Variants in ULK4 observed in about 807,000 individuals in gnomAD.
ULK4 encodes the protein inactive serine/threonine-protein kinase ULK4.
In ULK4, 133 loss-of-function variants were observed where a neutral mutation model predicts 160.6. That is an observed-to-expected ratio of 0.83 (90% CI 0.72 to 0.96). The LOEUF is 0.96. ULK4 is among the 40% of genes least tolerant of loss of function. ULK4 has a pLI of 0.00. For missense variants in ULK4, 1,580 were observed against 1,499.5 expected, an observed-to-expected ratio of 1.05 and a Z score of -0.89; for synonymous variants, 534 against 539.8, an observed-to-expected ratio of 0.99 and a Z score of 0.15.
chr3:41,765,291 G>A (rs969611600), intron 21 of ULK4, among the ~76,000 whole-genome samples: 4 of 151,966 alleles, frequency 2.6e-5, no homozygotes, highest in Non-Finnish European at 4.4e-5. Context: ...CATCATTCTG[G>A]GCAAACTATC....
intron 32 of ULK4, among the ~76,000 whole-genome samples, chr3:41,464,462 C>T (rs2083776364): frequency 6.6e-6 from 1 of 152,074 alleles, no homozygotes; most frequent in Admixed American, 6.5e-5. Context: ...GAATGAATTA[C>T]CGTCAAAATT....
intron 35 of ULK4, among the ~76,000 whole-genome samples, chr3:41,285,192 G>T (rs1046832810): frequency 1.3e-5 from 2 of 152,120 alleles, no homozygotes; most frequent in African/African-American, 4.8e-5. Flanking sequence ...ATTCCTTAAA[G>T]AACTAAAAGT....
At chr3:41,918,210 C>G (rs1436382794) in intron 7 of ULK4, among the ~76,000 whole-genome samples, 1 of 152,044 alleles carries the variant, frequency 6.6e-6, no homozygotes, top group Non-Finnish European at 1.5e-5. Context: ...TTAAGCCATA[C>G]TTTTTATGAT....
At chr3:41,783,535 CA>C (rs36018598) in intron 21 of ULK4, among the ~76,000 whole-genome samples, 9,541 of 133,902 alleles carry the variant, frequency 0.071, 553 homozygotes, top group East Asian at 0.18. Flanking sequence ...GACTCTGTCT[CA>C]AAAAAAAAAA....
At chr3:41,446,500 T>G (rs1008630292) in intron 34 of ULK4, among the ~76,000 whole-genome samples, 7 of 152,004 alleles carry the variant, frequency 4.6e-5, no homozygotes, top group Non-Finnish European at 7.4e-5. Context: ...TGATAGACTG[T>G]ATTAAGAAAA....
At chr3:41,522,129 C>CTTTTTTTTTTTT (rs57720185) in intron 32 of ULK4, among the ~76,000 whole-genome samples, 1 of 135,954 alleles carries the variant, frequency 7.4e-6, no homozygotes, top group African/African-American at 2.8e-5. Context: ...TCTTTTTTTT[C>CTTTTTTTTTTTT]TTTTTTTTTT....
chr3:41,861,405 T>A (rs1343697591), intron 17 of ULK4, among the ~76,000 whole-genome samples: 1 of 152,224 alleles, frequency 6.6e-6, no homozygotes, highest in Non-Finnish European at 1.5e-5. Context: ...AAGGATATTT[T>A]CACCAGATAT....
rs1164870603 is a variant in ULK4 at position 41,317,063 on chromosome 3, A to ATTTTTTTTTTTT, written c.3679-67501_3679-67490dup. Among the ~76,000 whole-genome samples, 308 of 94,546 alleles carry ATTTTTTTTTTTT rather than the reference A, an allele frequency of 3.3e-3. 23 individuals carry two copies. Among genetic ancestry groups the ATTTTTTTTTTTT allele is most frequent in the East Asian group, 4.3e-3 (16 of 3,764 alleles). 62.0% of individuals were successfully genotyped at this position (94,546 alleles called of 152,430 possible). A position where few individuals can be genotyped will look rare whatever the true frequency, so the allele number is the denominator to read the frequency against. On this transcript the variant is annotated intron_variant, in intron 35 of 36. Transcript: ENST00000301831. ...TGATGTAAAATAGGCAATTACATCT[A>ATTTTTTTTTTTT]TTTTTTTTTTTTTTTTTTTTTTTGA... is the stretch of plus-strand genomic sequence containing the variant.
intron 35 of ULK4, among the ~76,000 whole-genome samples, chr3:41,251,966 C>T (rs2078750829): frequency 6.6e-6 from 1 of 152,170 alleles, no homozygotes; most frequent in Non-Finnish European, 1.5e-5. Context: ...GAACCGATCC[C>T]AATAGCATGC....
chr3:41,601,753 T>C (rs780060259), intron 31 of ULK4, among the ~76,000 whole-genome samples: 7 of 152,186 alleles, frequency 4.6e-5, no homozygotes, highest in Middle Eastern at 6.8e-3. Flanking sequence ...ATAACACCAG[T>C]GCAACTCAAA....
chr3:41,941,479 G>A (rs1010365718), intron 2 of ULK4, among the ~76,000 whole-genome samples: 4 of 151,420 alleles, frequency 2.6e-5, no homozygotes, highest in African/African-American at 4.9e-5. Context: ...GGCTCATACC[G>A]TAGCACAATT....
chr3:41,512,567 A>G (rs2085614886), intron 32 of ULK4, among the ~76,000 whole-genome samples: 1 of 152,196 alleles, frequency 6.6e-6, no homozygotes, highest in Non-Finnish European at 1.5e-5. Context: ...TACCTAACCA[A>G]GGAGGTGAAA....
chr3:41,653,361 C>A (rs2034816737), intron 30 of ULK4, among the ~76,000 whole-genome samples: 2 of 152,232 alleles, frequency 1.3e-5, no homozygotes, highest in African/African-American at 4.8e-5. Context: ...TTCTTGTCCA[C>A]ATTTTCCTCT....
At chr3:41,344,409 A>T (rs1305806335) in intron 35 of ULK4, among the ~76,000 whole-genome samples, 1 of 152,188 alleles carries the variant, frequency 6.6e-6, no homozygotes, top group African/African-American at 2.4e-5. Context: ...ATCTGGACAT[A>T]GGCATGGGCA....
chr3:41,457,480 G>A (rs887438907), intron 33 of ULK4, among the ~76,000 whole-genome samples: 1 of 152,156 alleles, frequency 6.6e-6, no homozygotes, highest in African/African-American at 2.4e-5. Context: ...ACAACAGAGA[G>A]GTGGCACAAA....
At chr3:41,413,474 T>C (rs982397812) in intron 34 of ULK4, among the ~76,000 whole-genome samples, 6 of 152,242 alleles carry the variant, frequency 3.9e-5, no homozygotes, top group East Asian at 1.9e-4. Flanking sequence ...TCATCTAAAT[T>C]AAAAATAGTT....
intron 35 of ULK4, among the ~76,000 whole-genome samples, chr3:41,359,312 A>T (rs1334147300): frequency 6.6e-6 from 1 of 152,364 alleles, no homozygotes; most frequent in South Asian, 2.1e-4. Context: ...CAGAGGCCCA[A>T]CTGTAAAGAT....
chr3:41,844,174 C>G (rs2042007142), intron 17 of ULK4, among the ~76,000 whole-genome samples: 1 of 152,184 alleles, frequency 6.6e-6, no homozygotes, highest in Admixed American at 6.5e-5. Context: ...GCCCACACTC[C>G]TCAGCCCTTG....
chr3:41,484,223 A>C (rs17057835), intron 32 of ULK4, among the ~76,000 whole-genome samples: 63,607 of 151,864 alleles, frequency 0.42, 13,572 homozygotes, highest in African/African-American at 0.47. Context: ...CAATAAATAT[A>C]GGATGTCTCC....
Sources: gnomAD v4.1 joint callset for allele counts (sites outside exome capture counted in the v4.1 genomes callset) on GRCh38, gnomAD v4.1.1 for gene constraint, MANE v1.5 for transcripts, NCBI Gene and HGNC (gene_info 2026-07-23, HGNC 2026-07-21) for gene names.